Variants in BBX observed in about 807,000 individuals in gnomAD.
BBX encodes the protein HMG box transcription factor BBX.
A neutral mutation model predicts 100.2 loss-of-function variants in BBX; 30 were observed. That is an observed-to-expected ratio of 0.30 (90% CI 0.22 to 0.41). The LOEUF (loss-of-function observed/expected upper bound fraction) is 0.41, where lower values mean the gene tolerates loss of function less well. BBX is among the 10% of genes least tolerant of loss of function. BBX has a pLI of 1.00. For synonymous variants in BBX, 376 were observed against 388.1 expected (o/e 0.97, Z 0.37); for missense variants, 1,023 against 1,129.8 (o/e 0.91, Z 1.35).
At chr3:107,723,609 T>A (rs1325999118) in intron 5 of BBX, among the ~76,000 whole-genome samples, 1 of 151,944 alleles carries the variant, frequency 6.6e-6, no homozygotes, top group Non-Finnish European at 1.5e-5. Flanking sequence ...CCCTTCCTGT[T>A]TCCAAGTGTT....
chr3:107,598,454 A>T (rs995505789), intron 2 of BBX, among the ~76,000 whole-genome samples: 2 of 152,174 alleles, frequency 1.3e-5, no homozygotes, highest in Non-Finnish European at 2.9e-5. Flanking sequence ...TACTTTGGCA[A>T]AGCAGATCTA....
intron 2 of BBX, among the ~76,000 whole-genome samples, chr3:107,605,233 T>C (rs2107634961): frequency 6.6e-6 from 1 of 152,324 alleles, no homozygotes; most frequent in African/African-American, 2.4e-5. Flanking sequence ...CTGTCAAGCC[T>C]AGAACCCCAA....
intron 2 of BBX, among the ~76,000 whole-genome samples, chr3:107,629,421 C>A (rs916388301): frequency 6.6e-6 from 1 of 152,098 alleles, no homozygotes; most frequent in Non-Finnish European, 1.5e-5. Flanking sequence ...TAAATTAGTA[C>A]CCATTATGCA....
intron 15 of BBX, among the ~76,000 whole-genome samples, chr3:107,794,657 G>A (rs1432226162): frequency 2.0e-5 from 3 of 152,136 alleles, no homozygotes; most frequent in East Asian, 1.9e-4. Flanking sequence ...AGGCTCATTC[G>A]TTTCTTTTTC....
chr3:107,774,777 A>C lies in BBX; in HGVS notation c.1974A>C (p.Glu658Asp). ...SSDHEGCWNEESWTFSQSGTS... is the reference protein window; with the variant it reads ...SSDHEGCWNEDSWTFSQSGTS... ...ATCATGAAGGGTGTTGGAATGAAGA[A>C]AGCTGGACATTTAGTCAGAGTGGGA... is the stretch of plus-strand genomic sequence containing the variant. Residue 658 changes from glutamate (E) to aspartate (D), a missense_variant, in exon 12 of 18, where the codon GAA becomes GAC. Glu to Asp is a conservative substitution (Grantham distance 45). Around this residue, in one of 9 missense-constraint regions of BBX, gnomAD observed 215 missense variants for 211.3 expected, o/e 1.02. Coordinates refer to ENST00000325805, the MANE Select transcript of BBX (RefSeq NM_001142568.3). 1 of 1,613,642 alleles carries C rather than the reference A, an allele frequency of 6.2e-7. No homozygotes were observed. The highest frequency in any genetic ancestry group is 8.5e-7 in the Non-Finnish European group (1 of 1,179,656).
chr3:107,754,904 GTGT>G (rs1028787815), intron 9 of BBX, among the ~76,000 whole-genome samples: 1 of 152,208 alleles, frequency 6.6e-6, no homozygotes, highest in Non-Finnish European at 1.5e-5. Flanking sequence ...AGAAAAGGCA[GTGT>G]TGTTTATTTT....
At chr3:107,616,743 G>T (rs2055319887) in intron 2 of BBX, among the ~76,000 whole-genome samples, 1 of 151,980 alleles carries the variant, frequency 6.6e-6, no homozygotes, top group African/African-American at 2.4e-5. Flanking sequence ...TCTAACTGGA[G>T]TTTTTCTTAC....
chr3:107,708,182 TC>T (rs756339073), intron 3 of BBX, among the ~76,000 whole-genome samples: 18 of 152,116 alleles, frequency 1.2e-4, no homozygotes, highest in Non-Finnish European at 2.1e-4. Flanking sequence ...GACTATCAAT[TC>T]ACAAGAAATC....
At chr3:107,659,653 G>T in intron 3 of BBX, 1 of 1,058,222 alleles carries the variant, frequency 9.4e-7, no homozygotes, top group Non-Finnish European at 1.3e-6. Flanking sequence ...TCAAACTCAG[G>T]CTGTCTGGCT....
At chr3:107,564,860 C>T (rs969450946) in intron 2 of BBX, among the ~76,000 whole-genome samples, 3 of 152,232 alleles carry the variant, frequency 2.0e-5, no homozygotes, top group East Asian at 1.9e-4. Context: ...AATTTAGAAT[C>T]GCCTCTTGAT....
chr3:107,626,151 A>G (rs2056156958), intron 2 of BBX, among the ~76,000 whole-genome samples: 1 of 152,222 alleles, frequency 6.6e-6, no homozygotes. Context: ...AAGTTTAGGA[A>G]CATTAATCTA....
At position 107,748,033 on chromosome 3, in the gene BBX, T is replaced by C. The variant is rs1366989144; in HGVS notation, c.819T>C (p.Phe273=). 2.5e-6 allele frequency: 4 copies of C among 1,613,060 alleles called. No individual in the cohort carries two copies. The highest frequency in any genetic ancestry group is 3.4e-6 in the Non-Finnish European group (4 of 1,179,184). The part of the protein sequence containing the change: ...KQCQTSALFQ[F]AEISSNTSQL... ...GTCAAACATCTGCCTTGTTTCAGTT[T>C]GCAGAGGTATGGCCTTTTTAAAATG... is the stretch of plus-strand genomic sequence containing the variant. Residue 273 remains phenylalanine, a synonymous_variant, in exon 9 of 18, where the codon TTT becomes TTC. Coordinates refer to ENST00000325805, the MANE Select transcript of BBX (RefSeq NM_001142568.3).
intron 3 of BBX, among the ~76,000 whole-genome samples, chr3:107,673,049 T>A (rs1318371160): frequency 6.6e-6 from 1 of 152,064 alleles, no homozygotes; most frequent in African/African-American, 2.4e-5. Flanking sequence ...ATATGGGAGT[T>A]AAATTGGATA....
At chr3:107,774,275 G>A (rs1254730606) in intron 11 of BBX, among the ~76,000 whole-genome samples, 1 of 152,032 alleles carries the variant, frequency 6.6e-6, no homozygotes, top group Admixed American at 6.6e-5. Context: ...ACTACCTTTT[G>A]CCAAGCTATA....
intron 5 of BBX, among the ~76,000 whole-genome samples, chr3:107,727,159 T>C (rs1483939808): frequency 6.6e-6 from 1 of 152,088 alleles, no homozygotes; most frequent in East Asian, 1.9e-4. Flanking sequence ...TGTTTGAAAG[T>C]CTTTTGACAC....
intron 3 of BBX, among the ~76,000 whole-genome samples, chr3:107,704,726 T>C (rs1476153880): frequency 2.0e-5 from 3 of 152,184 alleles, no homozygotes; most frequent in African/African-American, 7.2e-5. Flanking sequence ...TGTTAGGCCC[T>C]ACTTCCCAAC....
At chr3:107,532,774 A>G (rs979231642) in intron 2 of BBX, among the ~76,000 whole-genome samples, 10 of 152,194 alleles carry the variant, frequency 6.6e-5, no homozygotes, top group African/African-American at 2.4e-4. Flanking sequence ...AATCAAAATT[A>G]AGTGACTTTG....
intron 10 of BBX, among the ~76,000 whole-genome samples, chr3:107,757,156 T>C (rs778667144): frequency 3.3e-5 from 5 of 152,114 alleles, no homozygotes; most frequent in Non-Finnish European, 7.4e-5. Context: ...AATACTAAAA[T>C]GTAAAACCAG....
chr3:107,801,832 A>C (rs1410580547), intron 17 of BBX, among the ~76,000 whole-genome samples: 1 of 152,132 alleles, frequency 6.6e-6, no homozygotes, highest in Non-Finnish European at 1.5e-5. Flanking sequence ...GCATTTTGGC[A>C]TCTGACTCAT....
Sources: allele counts gnomAD v4.1 joint callset (sites outside exome capture counted in the v4.1 genomes callset), GRCh38; gene constraint gnomAD v4.1.1; regional missense constraint gnomAD v4.1.1; transcripts MANE v1.5; gene names NCBI Gene and HGNC (gene_info 2026-07-23, HGNC 2026-07-21).